The following MBOAT2 variants were observed in gnomAD, a reference collection of about 807,000 sequenced individuals.
MBOAT2 encodes the protein membrane-bound glycerophospholipid O-acyltransferase 2.
In MBOAT2, 28 loss-of-function variants were observed where a neutral mutation model predicts 63.4. The ratio of observed to expected loss-of-function variants is 0.44; its 90% CI spans 0.33 to 0.61. The LOEUF is 0.61. Among genes scored for constraint, MBOAT2 ranks in the 20% least tolerant of loss-of-function variants. The pLI is 0.03. For missense variants in MBOAT2, 470 were observed against 605.8 expected (o/e 0.78, Z 2.35); for synonymous variants, 211 against 215.6 (o/e 0.98, Z 0.19).
intron 3 of MBOAT2, among the ~76,000 whole-genome samples, chr2:8,924,694 A>G (rs1380228356): frequency 6.7e-6 from 1 of 148,872 alleles, no homozygotes; most frequent in Non-Finnish European, 1.5e-5. Flanking sequence ...CCACCCAGCT[A>G]TGGTTCAGCT....
intron 3 of MBOAT2, among the ~76,000 whole-genome samples, chr2:8,933,089 A>AT (rs145484811): frequency 6.6e-6 from 1 of 152,020 alleles, no homozygotes; most frequent in Non-Finnish European, 1.5e-5. Flanking sequence ...CAGCTGAATA[A>AT]TTTTTTTTAT....
At chr2:8,957,582 C>T (rs1454926302) in intron 2 of MBOAT2, among the ~76,000 whole-genome samples, 1 of 152,034 alleles carries the variant, frequency 6.6e-6, no homozygotes, top group East Asian at 1.9e-4. Context: ...AGAACAAACA[C>T]AGAAGCTCAT....
chr2:8,982,199 A>G (rs1325117598), intron 1 of MBOAT2, among the ~76,000 whole-genome samples: 1 of 152,170 alleles, frequency 6.6e-6, no homozygotes, highest in Non-Finnish European at 1.5e-5. Context: ...TCAACTCGTG[A>G]TTTACCACAG....
Position 8,864,170 on chromosome 2 carries a change from CT to C in MBOAT2, c.1051del (p.Arg351GlyfsTer31). 1 of 1,575,908 alleles carries C rather than the reference CT, an allele frequency of 6.3e-7. No individual in the cohort carries two copies. Among genetic ancestry groups the C allele is most frequent in the Non-Finnish European group, 8.6e-7 (1 of 1,165,306 alleles). ...AAAGATCGTTTTTGAAGGAACGCAC[CT>C]TTTGAGCCAAAGAGCTGTCTGAATA... ...WNIQTALWLK[R>X]VCYERTSFSP... On this transcript the variant is annotated frameshift_variant and splice_region_variant, in exon 10 of 13. Coordinates refer to ENST00000305997, the MANE Select transcript of MBOAT2 (RefSeq NM_138799.4). LOFTEE classifies it high-confidence loss of function.
intron 4 of MBOAT2, among the ~76,000 whole-genome samples, chr2:8,890,434 G>A (rs944630558): frequency 5.3e-5 from 8 of 152,004 alleles, no homozygotes; most frequent in Non-Finnish European, 1.2e-4. Flanking sequence ...TTTTAAGAAA[G>A]TCCATGAGGC....
intron 1 of MBOAT2, among the ~76,000 whole-genome samples, chr2:8,967,701 C>T (rs990831692): frequency 6.6e-6 from 1 of 152,010 alleles, no homozygotes; most frequent in Non-Finnish European, 1.5e-5. Flanking sequence ...ACAGACAGAT[C>T]AGTGAAATAT....
chr2:8,993,336 G>A (rs1469149239), intron 1 of MBOAT2, among the ~76,000 whole-genome samples: 4 of 152,144 alleles, frequency 2.6e-5, no homozygotes, highest in African/African-American at 9.7e-5. Flanking sequence ...CCTGCTGCGC[G>A]GTCCTTCAGT....
chr2:8,992,669 T>C (rs1344522598), intron 1 of MBOAT2, among the ~76,000 whole-genome samples: 4 of 152,222 alleles, frequency 2.6e-5, no homozygotes, highest in Admixed American at 2.6e-4. Flanking sequence ...AACACCTAAG[T>C]CTGGCGGAGA....
chr2:8,926,151 T>G (rs1384334714), intron 3 of MBOAT2, among the ~76,000 whole-genome samples: 1 of 151,996 alleles, frequency 6.6e-6, no homozygotes, highest in Admixed American at 6.6e-5. Context: ...TGAGACAGAG[T>G]CTCAATCTGT....
At chr2:8,861,707 C>T (rs755229299) in intron 11 of MBOAT2, among the ~76,000 whole-genome samples, 4 of 152,198 alleles carry the variant, frequency 2.6e-5, no homozygotes, top group Non-Finnish European at 5.9e-5. Flanking sequence ...GGGGCCATCT[C>T]TAATTAACCC....
intron 4 of MBOAT2, among the ~76,000 whole-genome samples, chr2:8,891,185 C>T (rs1258302442): frequency 6.6e-6 from 1 of 152,224 alleles, no homozygotes; most frequent in Non-Finnish European, 1.5e-5. Flanking sequence ...GGCTTCTGGT[C>T]CAACCCATCA....
intron 4 of MBOAT2, among the ~76,000 whole-genome samples, chr2:8,900,643 A>G (rs115990786): frequency 2.6e-5 from 4 of 152,164 alleles, no homozygotes; most frequent in Admixed American, 6.5e-5. Flanking sequence ...GAGGATTATC[A>G]TTAATAGAAA....
rs533904528 is a variant in MBOAT2, at chr2:8,858,607, C to T, written c.*72G>A. Reference sequence around the variant, plus strand: ...TAACTGCTTTTCCAACAAACTCAAACCCCTTGAAAAGGTGCTAAGATTGGT... The same window carrying T: ...TAACTGCTTTTCCAACAAACTCAAATCCCTTGAAAAGGTGCTAAGATTGGT... On this transcript the variant is annotated 3_prime_UTR_variant, in exon 13 of 13. Coordinates refer to ENST00000305997, the MANE Select transcript of MBOAT2 (RefSeq NM_138799.4). The T allele has an allele frequency of 6.0e-6, 7 of 1,157,356 alleles. No homozygotes were observed. The highest frequency in any genetic ancestry group is 2.4e-5 in the East Asian group (1 of 42,464). 71.7% of individuals were successfully genotyped at this position (1,157,356 alleles called of 1,614,324 possible).
At chr2:8,898,898 C>A (rs1664699755) in intron 4 of MBOAT2, among the ~76,000 whole-genome samples, 1 of 152,194 alleles carries the variant, frequency 6.6e-6, no homozygotes, top group African/African-American at 2.4e-5. Flanking sequence ...GGAATTACTG[C>A]CTCATTGATA....
intron 1 of MBOAT2, among the ~76,000 whole-genome samples, chr2:8,986,181 G>C (rs558053714): frequency 1.0e-4 from 14 of 136,244 alleles, no homozygotes; most frequent in African/African-American, 3.6e-4. Flanking sequence ...TCCATGACCA[G>C]TTATCCTCAA....
At chr2:8,865,125 T>TAA (rs1369601914) in intron 9 of MBOAT2, among the ~76,000 whole-genome samples, 1 of 152,188 alleles carries the variant, frequency 6.6e-6, no homozygotes, top group Non-Finnish European at 1.5e-5. Flanking sequence ...CCTACAATCC[T>TAA]GTTTTCCTAG....
rs1381555077 is a variant in MBOAT2 at position 8,857,003 on chromosome 2, T to C, written c.*1676A>G. 1 of 152,724 alleles carries C rather than the reference T, an allele frequency of 6.5e-6. No individual in the cohort carries two copies. The allele number at this position is 152,724 out of a possible 1,614,324, so 9.5% of individuals were successfully genotyped here. On this transcript the variant is annotated 3_prime_UTR_variant, in exon 13 of 13. Transcript: ENST00000305997. ...ATTTCTAAACTTCAAAAAAGACACATGCCCATTTTTGCTGAGACCTCAAAA... is the reference window on the plus strand; with the variant it reads ...ATTTCTAAACTTCAAAAAAGACACACGCCCATTTTTGCTGAGACCTCAAAA...
intron 1 of MBOAT2, among the ~76,000 whole-genome samples, chr2:8,985,422 T>C (rs1273972807): frequency 1.3e-5 from 2 of 152,212 alleles, no homozygotes; most frequent in Non-Finnish European, 2.9e-5. Context: ...ACCTAATCTA[T>C]ACCGGAACTC....
intron 4 of MBOAT2, among the ~76,000 whole-genome samples, chr2:8,900,632 G>C (rs768020554): frequency 3.9e-4 from 59 of 152,146 alleles, no homozygotes; most frequent in Admixed American, 2.4e-3. Context: ...GGAGATTAGA[G>C]GAGGATTATC....
Sources: gnomAD v4.1 joint callset for allele counts (sites outside exome capture counted in the v4.1 genomes callset) on GRCh38, gnomAD v4.1.1 for gene constraint, MANE v1.5 for transcripts, NCBI Gene and HGNC (gene_info 2026-07-23, HGNC 2026-07-21) for gene names.